The following PTPRR variants were observed in gnomAD, a reference collection of about 807,000 sequenced individuals.
PTPRR encodes receptor-type tyrosine-protein phosphatase R.
Under a neutral mutation model 77.2 loss-of-function variants are expected in PTPRR, and 38 were observed. The observed-to-expected ratio is 0.49, with a 90% CI of 0.38 to 0.65. The LOEUF is 0.65. Among genes scored for constraint, PTPRR ranks in the 30% least tolerant of loss-of-function variants. The probability of loss-of-function intolerance (pLI) is 0.00; values close to 1 mark genes in which losing one functional copy is unlikely to be tolerated. For synonymous variants in PTPRR, 299 were observed against 283.1 expected (o/e 1.06, Z -0.57); for missense variants, 744 against 799.2 (o/e 0.93, Z 0.83).
intron 10 of PTPRR, among the ~76,000 whole-genome samples, chr12:70,682,586 T>G (rs1251232252): frequency 6.6e-6 from 1 of 152,158 alleles, no homozygotes; most frequent in Non-Finnish European, 1.5e-5. Flanking sequence ...GTGTAACTGG[T>G]TTTGTAGTGA....
At chr12:70,875,948 A>C (rs1893044225) in intron 2 of PTPRR, among the ~76,000 whole-genome samples, 1 of 152,164 alleles carries the variant, frequency 6.6e-6, no homozygotes. Flanking sequence ...ATGCAAAGGA[A>C]AGCAGTAATG....
chr12:70,780,989 C>A (rs1891191377), intron 2 of PTPRR, among the ~76,000 whole-genome samples: 2 of 152,268 alleles, frequency 1.3e-5, no homozygotes, highest in South Asian at 4.1e-4. Context: ...TGTGGTTTAC[C>A]ATTGCTGCCT....
chr12:70,841,195 C>G (rs143377061), intron 2 of PTPRR, among the ~76,000 whole-genome samples: 1,829 of 151,908 alleles, frequency 0.012, 20 homozygotes, highest in Non-Finnish European at 0.016. Flanking sequence ...CCTTACCCCC[C>G]CAACAAAAAA....
chr12:70,778,681 C>A (rs1469069400), intron 2 of PTPRR, among the ~76,000 whole-genome samples: 1 of 151,868 alleles, frequency 6.6e-6, no homozygotes, highest in Non-Finnish European at 1.5e-5. Flanking sequence ...AATGTGATTT[C>A]AATTTCTCTA....
chr12:70,747,784 A>T (rs1258471227), intron 5 of PTPRR, among the ~76,000 whole-genome samples: 1 of 152,200 alleles, frequency 6.6e-6, no homozygotes, highest in African/African-American at 2.4e-5. Context: ...TAGAACCTGG[A>T]GAATGTATGA....
rs115804008 is a variant in PTPRR, at chr12:70,748,701, G to A, written c.739-2615C>T. 6.7e-3 allele frequency among the ~76,000 whole-genome samples: 1,019 copies of A among 152,240 alleles called. 13 individuals carry two copies. The highest frequency in any genetic ancestry group is 0.023 in the African/African-American group (952 of 41,546). ...AGCTTTTCTGCAGCTTAAAATTTTCGTTCAAAAATCTCATGAGTAACACAA... is the reference window on the plus strand; with the variant it reads ...AGCTTTTCTGCAGCTTAAAATTTTCATTCAAAAATCTCATGAGTAACACAA... On this transcript the variant is annotated intron_variant, in intron 5 of 13. Transcript: ENST00000283228.
chr12:70,769,324 A>C, intron 2 of PTPRR, among the ~76,000 whole-genome samples: 1 of 151,236 alleles, frequency 6.6e-6, no homozygotes, highest in Middle Eastern at 3.2e-3. Flanking sequence ...TCAGGATACA[A>C]AATCAATGTA....
intron 6 of PTPRR, among the ~76,000 whole-genome samples, chr12:70,720,465 G>GT (rs1889206782): frequency 6.6e-6 from 1 of 150,942 alleles, no homozygotes; most frequent in Admixed American, 6.6e-5. Flanking sequence ...GTCTTTTCCA[G>GT]TTTTTTCCTC....
At chr12:70,688,765 A>G (rs576663577) in intron 8 of PTPRR, among the ~76,000 whole-genome samples, 58 of 152,322 alleles carry the variant, frequency 3.8e-4, no homozygotes, top group African/African-American at 1.3e-3. Flanking sequence ...TATTTACAAT[A>G]GCCAAGGTTT....
intron 1 of PTPRR, among the ~76,000 whole-genome samples, chr12:70,919,721 G>T (rs1216959896): frequency 7.1e-6 from 1 of 140,956 alleles, no homozygotes; most frequent in Admixed American, 7.7e-5. Flanking sequence ...GCCAGCGGAC[G>T]CTAGCCACGG....
At chr12:70,645,067 G>C (rs999560811) in intron 13 of PTPRR, among the ~76,000 whole-genome samples, 1 of 152,156 alleles carries the variant, frequency 6.6e-6, no homozygotes, top group Non-Finnish European at 1.5e-5. Context: ...GCTATTCACA[G>C]AATCCCCAGA....
intron 12 of PTPRR, among the ~76,000 whole-genome samples, chr12:70,657,903 A>G (rs1886643479): frequency 6.6e-6 from 1 of 152,140 alleles, no homozygotes; most frequent in Non-Finnish European, 1.5e-5. Flanking sequence ...TTTCATGATT[A>G]GCAGTGATCT....
intron 1 of PTPRR, among the ~76,000 whole-genome samples, chr12:70,911,488 A>G (rs957012930): frequency 6.6e-6 from 1 of 152,182 alleles, no homozygotes; most frequent in African/African-American, 2.4e-5. Context: ...CAGATTTATG[A>G]TGTTTATGTA....
intron 2 of PTPRR, among the ~76,000 whole-genome samples, chr12:70,848,370 C>A (rs1463733209): frequency 1.3e-5 from 2 of 152,132 alleles, no homozygotes; most frequent in African/African-American, 4.8e-5. Context: ...GCTCTGTCAC[C>A]CAGGCTAAAG....
At chr12:70,733,907 C>A (rs1439542876) in intron 6 of PTPRR, among the ~76,000 whole-genome samples, 1 of 152,126 alleles carries the variant, frequency 6.6e-6, no homozygotes, top group South Asian at 2.1e-4. Context: ...GAGAGTGGTG[C>A]CTCACTTCCC....
chr12:70,756,406 G>C (rs1205143449), intron 4 of PTPRR, among the ~76,000 whole-genome samples: 3 of 152,068 alleles, frequency 2.0e-5, no homozygotes, highest in African/African-American at 7.2e-5. Flanking sequence ...AACTTGATAA[G>C]GGCAGGGTAA....
At chr12:70,673,803 T>C (rs1351304570) in intron 10 of PTPRR, among the ~76,000 whole-genome samples, 6 of 152,224 alleles carry the variant, frequency 3.9e-5, no homozygotes. Context: ...GTTCATAGTG[T>C]CCTCTTTTAT....
At chr12:70,667,846 T>C (rs977146364) in intron 10 of PTPRR, among the ~76,000 whole-genome samples, 4 of 152,032 alleles carry the variant, frequency 2.6e-5, no homozygotes, top group Non-Finnish European at 5.9e-5. Flanking sequence ...CTTGTTTGGA[T>C]AGACCCTCTG....
intron 2 of PTPRR, among the ~76,000 whole-genome samples, chr12:70,859,096 G>A (rs1351816830): frequency 6.6e-6 from 1 of 151,952 alleles, no homozygotes; most frequent in Non-Finnish European, 1.5e-5. Flanking sequence ...ACTTCTGCCA[G>A]TTCTGACATC....
Sources: gnomAD v4.1 joint callset for allele counts (sites outside exome capture counted in the v4.1 genomes callset) on GRCh38, gnomAD v4.1.1 for gene constraint, MANE v1.5 for transcripts, NCBI Gene and HGNC (gene_info 2026-07-23, HGNC 2026-07-21) for gene names.